Variants in TBC1D9B observed in about 807,000 individuals in gnomAD.
TBC1D9B encodes TBC1 domain family, member 9B (with GRAM domain).
In TBC1D9B, 87 loss-of-function variants were observed where a neutral mutation model predicts 121.1. The observed-to-expected ratio is 0.72, with a 90% CI of 0.60 to 0.86. TBC1D9B has a LOEUF of 0.86. Among genes scored for constraint, TBC1D9B ranks in the 40% least tolerant of loss-of-function variants. The pLI, the probability that TBC1D9B is intolerant of heterozygous loss-of-function variation, is 0.00. For missense variants in TBC1D9B, 1,540 were observed against 1,628.6 expected, an observed-to-expected ratio of 0.95 and a Z score of 0.94; for synonymous variants, 668 against 670.1, an observed-to-expected ratio of 1.00 and a Z score of 0.05.
chr5:179,873,161 A>AG lies in TBC1D9B; in HGVS notation c.2273dup (p.Ala759CysfsTer7), dbSNP rs1760253982. 1 of 1,613,050 alleles carries AG rather than the reference A, an allele frequency of 6.2e-7. No homozygotes were observed. The highest frequency in any genetic ancestry group is 8.5e-7 in the Non-Finnish European group (1 of 1,179,636). On this transcript the variant is annotated frameshift_variant, in exon 13 of 21. Coordinates refer to ENST00000355235, the MANE Select transcript of TBC1D9B (RefSeq NM_015043.4). LOFTEE classifies it high-confidence loss of function. ...GGAGCTCAAAGATGTCCACCTCTGC[A>AG]GGGGGGTCATCGCTGCTGCTCAGCA... is the stretch of plus-strand genomic sequence containing the variant.
At chr5:179,872,232 A>T (rs544620409) in intron 14 of TBC1D9B, 13 of 157,326 alleles carry the variant, frequency 8.3e-5, no homozygotes, top group East Asian at 3.7e-4. Flanking sequence ...AGTGAGGGAT[A>T]CTCATTTGGC....
chr5:179,894,776 C>A (rs187644382), intron 3 of TBC1D9B, among the ~76,000 whole-genome samples, 162 bp from the exon 4 acceptor site: 4 of 152,322 alleles, frequency 2.6e-5, no homozygotes, highest in Non-Finnish European at 5.9e-5. Flanking sequence ...GCAGTCAAGG[C>A]ACATGGATGA....
rs930659066 is a variant in TBC1D9B, at chr5:179,863,757, G to A, written c.3393C>T (p.Thr1131=). The A allele has an allele frequency of 5.0e-6, 8 of 1,613,522 alleles. No individual in the cohort carries two copies. In the African/African-American group the frequency reaches 9.3e-5, roughly 19 times the overall value. ...AGGAGGACATGGACATGTCGTCTTT[G>A]GTTTCATCGTCAGACAGCAGCTGGG... The part of the protein sequence containing the change: ...SPSQLLSDDE[T]KDDMSMSSYS... The change falls in exon 21 of 21, where the codon ACC becomes ACT. Residue 1131 remains threonine (T), a synonymous_variant. Transcript: ENST00000355235. This position sits in a 1 kb window ranked among gnomAD's most constrained non-coding sequence, Gnocchi z 4.5.
intron 15 of TBC1D9B, chr5:179,870,722 C>T: frequency 1.6e-6 from 1 of 641,502 alleles, no homozygotes; most frequent in South Asian, 2.2e-5. Flanking sequence ...CCTTGGCAGC[C>T]TGCAGGGGGC....
In TBC1D9B at chr5:179,874,100, C is replaced by T. The variant is rs756119506; in HGVS notation, c.2186+802G>A. ...CCTGGGGGCTGGGGGCATTCCAGTC[C>T]GGACAAATACGCTATGTAGGAGGGT... On this transcript the variant is annotated intron_variant, in intron 12 of 20. Transcript: ENST00000355235. The surrounding 1 kb of genome is among the most constrained non-coding windows in gnomAD (Gnocchi z 4.3). Among the ~76,000 whole-genome samples the T allele has an allele frequency of 2.0e-5, 3 of 152,066 alleles. No individual in the cohort carries two copies. The highest frequency in any genetic ancestry group is 4.8e-5 in the African/African-American group (2 of 41,388).
intron 18 of TBC1D9B, 120 bp from the exon 19 acceptor site, chr5:179,866,008 G>A: frequency 7.9e-7 from 1 of 1,267,990 alleles, no homozygotes; most frequent in Non-Finnish European, 1.1e-6. Context: ...CCAGGCCCTG[G>A]GGAGCAGGTC....
rs1476641723 is a variant in TBC1D9B, at chr5:179,888,284, G to A, written c.1073C>T (p.Ser358Phe). 4 of 1,610,520 alleles carry A rather than the reference G, an allele frequency of 2.5e-6. No individual in the cohort carries two copies. The change falls in exon 7 of 21, where the codon TCC (serine) becomes TTC (phenylalanine). Residue 358 changes from serine to phenylalanine, a missense_variant. Transcript: ENST00000355235. Reference protein sequence around the residue: ...EVTIVEKADSSSVLPSPLSIS... With the variant: ...EVTIVEKADSFSVLPSPLSIS... ...GGACAGGGGGCTGGGCAGCACGCTGGAGCTGTCAGCTTTTTCGACAATGGT... is the reference window on the plus strand; with the variant it reads ...GGACAGGGGGCTGGGCAGCACGCTGAAGCTGTCAGCTTTTTCGACAATGGT...
Position 179,887,993 on chromosome 5 carries a change from C to T in TBC1D9B, c.1254+110G>A, listed in dbSNP as rs530878628. The T allele has an allele frequency of 8.8e-5, 120 of 1,370,408 alleles. No individual in the cohort carries two copies. In the African/African-American group the frequency reaches 1.3e-3, roughly 15 times the overall value. The allele number at this position is 1,370,408 out of a possible 1,614,324, so 84.9% of individuals were successfully genotyped here. A position where few individuals can be genotyped will look rare whatever the true frequency, so the allele number is the denominator to read the frequency against. ...CAGCTCTGACACATCCACCCCTAGG[C>T]GGAGGCCCACAGCCGGAACCATGGG... is the stretch of plus-strand genomic sequence containing the variant. On this transcript the variant is annotated intron_variant, in intron 7 of 20. Transcript: ENST00000355235.
At chr5:179,888,634 C>T (rs1299421100) in intron 6 of TBC1D9B, among the ~76,000 whole-genome samples, 1 of 152,156 alleles carries the variant, frequency 6.6e-6, no homozygotes, top group Non-Finnish European at 1.5e-5. Context: ...GGCAAGCAGT[C>T]CCTTGCTTGC....
chr5:179,871,480 G>A lies in TBC1D9B; in HGVS notation c.2466C>T (p.Asp822=). 1 of 1,613,118 alleles carries A rather than the reference G, an allele frequency of 6.2e-7. No homozygotes were observed. The highest frequency in any genetic ancestry group is 8.5e-7 in the Non-Finnish European group (1 of 1,179,654). The part of the protein sequence containing the change: ...DIGFSIEELE[D]LYMVFKAKHL... ...CTGTCACCTTAAACACCATGTAAAG[G>A]TCCTCCAGCTCTTCAATGGAGAAAC... is the stretch of plus-strand genomic sequence containing the variant. The change falls in exon 15 of 21, where the codon GAC becomes GAT. Residue 822 remains aspartate (D), a synonymous_variant. Transcript: ENST00000355235.
Position 179,873,123 on chromosome 5 carries a change from T to A in TBC1D9B, c.2312A>T (p.Tyr771Phe), listed in dbSNP as rs762395645. 1.2e-6 allele frequency: 2 copies of A among 1,611,142 alleles called. No homozygotes were observed. Among genetic ancestry groups the A allele is most frequent in the East Asian group, 2.2e-5 (1 of 44,848 alleles). The change falls in exon 13 of 21, where the codon TAT becomes TTT. Residue 771 changes from tyrosine (Y) to phenylalanine (F), a missense_variant. Coordinates refer to ENST00000355235, the MANE Select transcript of TBC1D9B (RefSeq NM_015043.4). The stretch of plus-strand genomic sequence containing the variant: ...ATGGCCCCACTGGGTGCTGACCTCA[T>A]AGGACACTTTCAGGAGCTCAAAGAT... ...VDIFELLKVS[Y>F]EKFSSLRAED...
chr5:179,893,885 G>A (rs1760942871), intron 4 of TBC1D9B, among the ~76,000 whole-genome samples: 1 of 152,230 alleles, frequency 6.6e-6, no homozygotes, highest in Admixed American at 6.5e-5. Context: ...GCAAGGGCAG[G>A]AGGGGGCACA....
intron 7 of TBC1D9B, 70 bp downstream of exon 7, chr5:179,888,033 G>C: frequency 6.3e-7 from 1 of 1,575,620 alleles, no homozygotes; most frequent in South Asian, 1.1e-5. Flanking sequence ...GGCTCCAGCG[G>C]GGAGGCTGAT....
intron 10 of TBC1D9B, 109 bp from the exon 11 acceptor site, chr5:179,876,146 T>C: frequency 2.7e-6 from 2 of 736,630 alleles, no homozygotes; most frequent in Non-Finnish European, 4.3e-6. Context: ...CCACATGATC[T>C]TCTTTTTGTT....
At position 179,874,675 on chromosome 5, in the gene TBC1D9B, G is replaced by A. The variant is rs1346432564; in HGVS notation, c.2186+227C>T. Among the ~76,000 whole-genome samples the A allele has an allele frequency of 6.6e-6, 1 of 152,214 alleles. No homozygotes were observed. The highest frequency in any genetic ancestry group is 1.5e-5 in the Non-Finnish European group (1 of 68,024). On this transcript the variant is annotated intron_variant, in intron 12 of 20. Coordinates refer to ENST00000355235, the MANE Select transcript of TBC1D9B (RefSeq NM_015043.4). The surrounding 1 kb of genome is among the most constrained non-coding windows in gnomAD (Gnocchi z 4.3). ...CATCTGAGCGGTGGCCCTCCAGCCA[G>A]CATGCTCTGCCCGCAGTGCCTGCTT...
At chr5:179,899,134 G>A (rs563450583) in intron 3 of TBC1D9B, 55 bp downstream of exon 3, 14 of 1,444,032 alleles carry the variant, frequency 9.7e-6, no homozygotes, top group African/African-American at 5.6e-5. Context: ...GATAATACAC[G>A]AGAACACTGC....
intron 17 of TBC1D9B, 80 bp from the exon 18 acceptor site, chr5:179,867,929 C>A: frequency 7.2e-7 from 1 of 1,382,170 alleles, no homozygotes; most frequent in Non-Finnish European, 9.5e-7. Context: ...CAGCCCTGGG[C>A]AGAGCCTTGC....
intron 2 of TBC1D9B, among the ~76,000 whole-genome samples, chr5:179,900,238 G>T (rs907099895): frequency 1.3e-5 from 2 of 152,136 alleles, no homozygotes; most frequent in African/African-American, 4.8e-5. Flanking sequence ...AGAGAAGGCA[G>T]CACGATGCCA....
rs764817924 is a variant in TBC1D9B at position 179,876,023 on chromosome 5, C to T, written c.1797G>A (p.Val599=). 1 of 1,612,632 alleles carries T rather than the reference C, an allele frequency of 6.2e-7. No individual in the cohort carries two copies. The highest frequency in any genetic ancestry group is 2.2e-5 in the East Asian group (1 of 44,790). The change falls in exon 11 of 21, where the codon GTG becomes GTA. Residue 599 remains valine (V), a synonymous_variant. Coordinates refer to ENST00000355235, the MANE Select transcript of TBC1D9B (RefSeq NM_015043.4). ...TGCCATAGAGCAGGAGCACCGAGGT[C>T]ACGATGTTCATTGCCTGCCGGGCAC... ...TIGYCQAMNI[V]TSVLLLYGSE...
Sources: gnomAD v4.1 joint callset for allele counts (sites outside exome capture counted in the v4.1 genomes callset) on GRCh38, gnomAD v4.1.1 for gene constraint, Gnocchi (gnomAD v3.1) non-coding constraint, MANE v1.5 for transcripts, NCBI Gene and HGNC (gene_info 2026-07-23, HGNC 2026-07-21) for gene names.